The following C5orf63 variants were observed in gnomAD, a reference collection of about 807,000 sequenced individuals.
C5orf63 encodes glutaredoxin-like protein C5orf63.
C5orf63 carries 18 observed loss-of-function variants against 13.3 expected under a neutral mutation model. The observed-to-expected ratio is 1.36, with a 90% CI of 0.94 to 2.01. The LOEUF is 2.01. C5orf63 is among the 30% of genes most tolerant of loss of function. The pLI is 0.00. For missense variants in C5orf63, 118 were observed against 127.7 expected (o/e 0.92, Z 0.36); for synonymous variants, 38 against 44.7 (o/e 0.85, Z 0.60).
At chr5:127,065,422 G>A (rs1000032902) in intron 2 of C5orf63, among the ~76,000 whole-genome samples, 4 of 152,186 alleles carry the variant, frequency 2.6e-5, no homozygotes, top group Non-Finnish European at 5.9e-5. Flanking sequence ...CTTCACAAGA[G>A]AAATATCTTA....
At chr5:127,066,314 C>T (rs1019540716) in intron 2 of C5orf63, among the ~76,000 whole-genome samples, 2 of 152,044 alleles carry the variant, frequency 1.3e-5, no homozygotes, top group Admixed American at 1.3e-4. Flanking sequence ...ATCTCATATA[C>T]ATTTTTAAAA....
intron 1 of C5orf63, among the ~76,000 whole-genome samples, chr5:127,072,505 G>A (rs1285561793): frequency 6.6e-6 from 1 of 152,148 alleles, no homozygotes; most frequent in Non-Finnish European, 1.5e-5. Flanking sequence ...AGCTCTAGTG[G>A]CTGCTTAAAC....
intron 2 of C5orf63, among the ~76,000 whole-genome samples, chr5:127,065,427 A>G (rs1262279323): frequency 6.6e-6 from 1 of 152,242 alleles, no homozygotes; most frequent in Non-Finnish European, 1.5e-5. Flanking sequence ...CAAGAGAAAT[A>G]TCTTAAATCA....
intron 2 of C5orf63, among the ~76,000 whole-genome samples, chr5:127,063,721 T>G (rs1487140698): frequency 1.3e-5 from 2 of 152,202 alleles, no homozygotes; most frequent in East Asian, 1.9e-4. Flanking sequence ...GAGCTGACAT[T>G]AACTAAATAC....
chr5:127,050,469 G>A (rs60381307), downstream of C5orf63, among the ~76,000 whole-genome samples: 1,581 of 152,048 alleles, frequency 0.01, 27 homozygotes, highest in African/African-American at 0.029. Context: ...ACTGTACTCA[G>A]CTTAAAAGGC....
intron 1 of C5orf63, among the ~76,000 whole-genome samples, chr5:127,072,264 T>A (rs1335552378): frequency 1.3e-5 from 2 of 152,240 alleles, no homozygotes; most frequent in East Asian, 3.8e-4. Flanking sequence ...TGATTAGTTC[T>A]GCTTTGCCCC....
chr5:127,043,636 A>C (rs1286569142), downstream of C5orf63: 2 of 152,238 alleles, frequency 1.3e-5, no homozygotes, highest in African/African-American at 4.8e-5. Flanking sequence ...TTACAAGAAA[A>C]CACAGGGTAA....
chr5:127,072,133 GC>G (rs1754567445), intron 1 of C5orf63: 1 of 152,210 alleles, frequency 6.6e-6, no homozygotes. Context: ...TGAGGATCCT[GC>G]CTGTTTAAAG....
At chr5:127,052,546 G>T in intron 4 of C5orf63, 67 bp downstream of exon 4, 2 of 1,090,310 alleles carry the variant, frequency 1.8e-6, no homozygotes, top group Non-Finnish European at 2.4e-6. Context: ...GAAGGATCCA[G>T]GCAGATACTT....
intron 3 of C5orf63, among the ~76,000 whole-genome samples, chr5:127,054,436 T>C (rs1753800298): frequency 6.6e-6 from 1 of 152,182 alleles, no homozygotes; most frequent in Non-Finnish European, 1.5e-5. Context: ...TTCTAACTGG[T>C]GTGAGATGGT....
chr5:127,053,828 T>C (rs1753779535), intron 3 of C5orf63, among the ~76,000 whole-genome samples: 1 of 152,236 alleles, frequency 6.6e-6, no homozygotes, highest in Non-Finnish European at 1.5e-5. Context: ...TAATCCAGTC[T>C]ATCACTGATG....
At chr5:127,055,742 C>A (rs1366748857) in intron 3 of C5orf63, among the ~76,000 whole-genome samples, 1 of 151,924 alleles carries the variant, frequency 6.6e-6, no homozygotes, top group African/African-American at 2.4e-5. Context: ...CAAAAAAAAC[C>A]AAGAGCATGC....
At chr5:127,066,346 A>G (rs991482752) in intron 2 of C5orf63, among the ~76,000 whole-genome samples, 6 of 152,172 alleles carry the variant, frequency 3.9e-5, no homozygotes, top group Admixed American at 2.6e-4. Context: ...CTGCTGTGCG[A>G]AGAACAGATT....
downstream of C5orf63, chr5:127,051,284 G>A (rs1753662329): frequency 8.2e-7 from 1 of 1,223,098 alleles, no homozygotes; most frequent in Non-Finnish European, 1.0e-6. Context: ...AAATCCCACT[G>A]AATAGGCTTC....
intron 2 of C5orf63, among the ~76,000 whole-genome samples, chr5:127,070,150 AG>A: frequency 6.6e-6 from 1 of 152,198 alleles, no homozygotes; most frequent in Non-Finnish European, 1.5e-5. Context: ...TTTTACCATA[AG>A]AATTAGGCTC....
chr5:127,061,960 C>T (rs985909995), intron 2 of C5orf63, among the ~76,000 whole-genome samples: 1 of 152,214 alleles, frequency 6.6e-6, no homozygotes, highest in Non-Finnish European at 1.5e-5. Flanking sequence ...CAGTGAACTG[C>T]AGCTACATGC....
intron 2 of C5orf63, among the ~76,000 whole-genome samples, chr5:127,064,683 G>T (rs1480721875): frequency 6.6e-6 from 1 of 152,182 alleles, no homozygotes; most frequent in Non-Finnish European, 1.5e-5. Flanking sequence ...AGCCAGCAAA[G>T]AATCAGTCTC....
chr5:127,072,531 A>G (rs1754586761), intron 1 of C5orf63, among the ~76,000 whole-genome samples: 1 of 152,198 alleles, frequency 6.6e-6, no homozygotes. Context: ...AATGTATACT[A>G]ATTCTGGGAA....
intron 2 of C5orf63, among the ~76,000 whole-genome samples, chr5:127,068,337 T>G (rs551533938): frequency 6.6e-6 from 1 of 152,248 alleles, no homozygotes; most frequent in East Asian, 1.9e-4. Flanking sequence ...TCAAATTCAC[T>G]TATAGATCCA....
Sources: allele counts gnomAD v4.1 joint callset (sites outside exome capture counted in the v4.1 genomes callset), GRCh38; gene constraint gnomAD v4.1.1; transcripts MANE v1.5; gene names NCBI Gene and HGNC (gene_info 2026-07-23, HGNC 2026-07-21).